KCNN4: variants seen among roughly 807,000 people sequenced by gnomAD.
KCNN4 encodes the protein potassium calcium-activated channel subfamily N member 4, also known as intermediate conductance calcium-activated potassium channel protein 4.
KCNN4 carries 31 observed loss-of-function variants against 45.2 expected under a neutral mutation model. That is an observed-to-expected ratio of 0.69 (90% CI 0.52 to 0.92). The LOEUF (loss-of-function observed/expected upper bound fraction) is 0.92, where lower values mean the gene tolerates loss of function less well. KCNN4 is among the 40% of genes least tolerant of loss of function. The pLI, the probability that KCNN4 is intolerant of heterozygous loss-of-function variation, is 0.00. For missense variants in KCNN4, 463 were observed against 574.0 expected (o/e 0.81, Z 1.98); for synonymous variants, 231 against 254.6 (o/e 0.91, Z 0.88).
chr19:43,774,100 C>G lies in KCNN4; in HGVS notation c.683+92G>C, dbSNP rs1036456176. ...GTGTGAACTTTCTCCACTGCTTGGT[C>G]CTAGGGGGCCTCAACCTGCACCGCG... On this transcript the variant is annotated intron_variant, in intron 3 of 8. Coordinates refer to ENST00000648319, the MANE Select transcript of KCNN4 (RefSeq NM_002250.3). The surrounding 1 kb of genome is among the most constrained non-coding windows in gnomAD (Gnocchi z 5.6). 8 of 1,334,264 alleles carry G rather than the reference C, an allele frequency of 6.0e-6. No individual in the cohort carries two copies. The highest frequency in any genetic ancestry group is 2.3e-5 in the Admixed American group (1 of 43,546). 82.7% of individuals were successfully genotyped at this position (1,334,264 alleles called of 1,614,324 possible).
Position 43,769,451 on chromosome 19 carries a change from G to A in KCNN4, c.1040C>T (p.Ala347Val). ...ACAAAGCGGCCCTCACGCGTTGATG[G>A]CGGCCAGCAGCTTGCGCTGATGCCT... ...ARRHQRKLLA[A>V]INAFRQVRLK... The change falls in exon 6 of 9, where the codon GCC becomes GTC. Residue 347 changes from alanine (A) to valine (V), a missense_variant. Transcript: ENST00000648319. This position sits in a 1 kb window ranked among gnomAD's most constrained non-coding sequence, Gnocchi z 4.4. The A allele has an allele frequency of 6.2e-7, 1 of 1,613,920 alleles. No homozygotes were observed. Among genetic ancestry groups the A allele is most frequent in the Non-Finnish European group, 8.5e-7 (1 of 1,179,800 alleles).
rs186813155 is a variant in KCNN4 at position 43,780,194 on chromosome 19, C to T, written c.159+509G>A. ...CCCTCTGGCCTCCAGGGGTCCTGGA[C>T]CTCTGGCCGTCTAATGGCAACATCT... On this transcript the variant is annotated intron_variant, in intron 1 of 8. Coordinates refer to ENST00000648319, the MANE Select transcript of KCNN4 (RefSeq NM_002250.3). Among the ~76,000 whole-genome samples the T allele has an allele frequency of 5.3e-5, 8 of 152,152 alleles. No individual in the cohort carries two copies. The East Asian group carries it at 1.5e-3, about 29-fold the overall frequency.
Position 43,774,160 on chromosome 19 carries a change from C to T in KCNN4, c.683+32G>A, listed in dbSNP as rs750617291. On this transcript the variant is annotated intron_variant, in intron 3 of 8. Coordinates refer to ENST00000648319, the MANE Select transcript of KCNN4 (RefSeq NM_002250.3). This position sits in a 1 kb window ranked among gnomAD's most constrained non-coding sequence, Gnocchi z 5.6. Reference sequence around the variant, plus strand: ...GGCCGCCGTGGCTGTCCGGGGTTCCCCCCTGCGCATTTATGCCTCCATCAC... The same window carrying T: ...GGCCGCCGTGGCTGTCCGGGGTTCCTCCCTGCGCATTTATGCCTCCATCAC... 3.4e-5 allele frequency: 54 copies of T among 1,582,674 alleles called. No individual in the cohort carries two copies. Among genetic ancestry groups the T allele is most frequent in the Non-Finnish European group, 4.2e-5 (49 of 1,161,800 alleles).
At position 43,780,949 on chromosome 19, in the gene KCNN4, G is replaced by GC; in HGVS notation, c.-89_-88insG. 7.4e-7 allele frequency: 1 copy of GC among 1,351,272 alleles called. No homozygotes were observed. The highest frequency in any genetic ancestry group is 1.0e-6 in the Non-Finnish European group (1 of 962,816). The allele number at this position is 1,351,272 out of a possible 1,614,324, so 83.7% of individuals were successfully genotyped here. A position where few individuals can be genotyped will look rare whatever the true frequency, so the allele number is the denominator to read the frequency against. ...ACAGGGCAGCCACTGTGGCTTGCAG[G>GC]TCGTCAGCCTGCTCTGCTGGCTCTG... is the stretch of plus-strand genomic sequence containing the variant. On this transcript the variant is annotated 5_prime_UTR_variant, in exon 1 of 9. Transcript: ENST00000648319.
At position 43,780,918 on chromosome 19, in the gene KCNN4, G is replaced by A; in HGVS notation, c.-57C>T. The stretch of plus-strand genomic sequence containing the variant: ...CCTGCCCAGGGTCCCCCACCTCGCA[G>A]CACGCACAGGGCAGCCACTGTGGCT... On this transcript the variant is annotated 5_prime_UTR_variant, in exon 1 of 9. Coordinates refer to ENST00000648319, the MANE Select transcript of KCNN4 (RefSeq NM_002250.3). 6.4e-7 allele frequency: 1 copy of A among 1,570,164 alleles called. No individual in the cohort carries two copies. The highest frequency in any genetic ancestry group is 1.7e-5 in the Admixed American group (1 of 59,358).
intron 1 of KCNN4, among the ~76,000 whole-genome samples, chr19:43,777,849 T>C (rs1206727126): frequency 6.6e-6 from 1 of 152,092 alleles, no homozygotes; most frequent in East Asian, 1.9e-4. Flanking sequence ...ATTGCACCTG[T>C]TTCTCCTAAG....
intron 1 of KCNN4, chr19:43,776,953 C>T (rs1176334916): frequency 1.2e-5 from 3 of 244,678 alleles, no homozygotes; most frequent in Non-Finnish European, 2.5e-5. Context: ...AAAAAATTAG[C>T]TGGGTGTGTA....
chr19:43,768,114 T>C (rs1969533182), intron 7 of KCNN4, among the ~76,000 whole-genome samples: 3 of 152,230 alleles, frequency 2.0e-5, no homozygotes, highest in Non-Finnish European at 4.4e-5. Flanking sequence ...GATTCACTAG[T>C]TGATCCCTGA....
At chr19:43,779,298 C>T (rs1040508224) in intron 1 of KCNN4, among the ~76,000 whole-genome samples, 3 of 152,146 alleles carry the variant, frequency 2.0e-5, no homozygotes, top group African/African-American at 4.8e-5. Context: ...GGTGCTTCGG[C>T]GTGGGAGCGG....
rs142435653 is a variant in KCNN4, at chr19:43,771,544, T to C, written c.819+456A>G. On this transcript the variant is annotated intron_variant, in intron 4 of 8. Transcript: ENST00000648319. The stretch of plus-strand genomic sequence containing the variant: ...TGATAACTGGACTCTACACCCTTGA[T>C]GGAGGCTGGGAGACGATTTCCCAGT... Among the ~76,000 whole-genome samples, 33 of 152,178 alleles carry C rather than the reference T, an allele frequency of 2.2e-4. No individual in the cohort carries two copies. The East Asian group carries it at 5.6e-3, about 26-fold the overall frequency.
intron 7 of KCNN4, among the ~76,000 whole-genome samples, chr19:43,768,735 G>A (rs1969550760): frequency 6.6e-6 from 1 of 151,588 alleles, no homozygotes; most frequent in Admixed American, 6.6e-5. Context: ...GGGGTTCTTT[G>A]TGCAATTTTT....
At chr19:43,779,420 G>C (rs80331465) in intron 1 of KCNN4, among the ~76,000 whole-genome samples, 1,899 of 151,724 alleles carry the variant, frequency 0.013, 37 homozygotes, top group African/African-American at 0.044. Context: ...TGTGGCTCCT[G>C]GTCACTTCAG....
rs1231198818 is a variant in KCNN4 at position 43,780,794 on chromosome 19, T to C, written c.68A>G (p.Lys23Arg). 1 of 1,613,900 alleles carries C rather than the reference T, an allele frequency of 6.2e-7. No individual in the cohort carries two copies. The highest frequency in any genetic ancestry group is 1.1e-5 in the South Asian group (1 of 91,066). ...RRRKRLLEQE[K>R]SLAGWALVLA... Reference sequence around the variant, plus strand: ...CACCAGTGCCCAGCCGGCCAGAGACTTCTCCTGCTCCAGCAAGCGCTTTCG... The same window carrying C: ...CACCAGTGCCCAGCCGGCCAGAGACCTCTCCTGCTCCAGCAAGCGCTTTCG... Residue 23 changes from lysine (K) to arginine (R), a missense_variant, in exon 1 of 9, where the codon AAG becomes AGG. By Grantham distance (26) the Lys-to-Arg change is conservative. Around this residue, in one of 3 missense-constraint regions of KCNN4, gnomAD observed 225 missense variants for 240.9 expected, o/e 0.93. Coordinates refer to ENST00000648319, the MANE Select transcript of KCNN4 (RefSeq NM_002250.3).
At chr19:43,776,750 T>G in intron 1 of KCNN4, 114 bp from the exon 2 acceptor site, 1 of 692,026 alleles carries the variant, frequency 1.4e-6, no homozygotes, top group East Asian at 2.7e-5. Context: ...TTTCCTAGCC[T>G]CCTTCCCCTG....
rs1599674943 is a variant in KCNN4, at chr19:43,771,930, C to T, written c.819+70G>A. 2.0e-6 allele frequency: 3 copies of T among 1,506,600 alleles called. No homozygotes were observed. The East Asian group carries it at 7.2e-5, about 36-fold the overall frequency. 93.3% of individuals were successfully genotyped at this position (1,506,600 alleles called of 1,614,324 possible). A position where few individuals can be genotyped will look rare whatever the true frequency, so the allele number is the denominator to read the frequency against. The stretch of plus-strand genomic sequence containing the variant: ...AGAGCCTGTGTTGAACCCATTTAAT[C>T]ATGGCTTCCTGGGGCCAGAGGATGA... On this transcript the variant is annotated intron_variant, in intron 4 of 8. Coordinates refer to ENST00000648319, the MANE Select transcript of KCNN4 (RefSeq NM_002250.3).
chr19:43,777,112 C>CA (rs1370734463), intron 1 of KCNN4, among the ~76,000 whole-genome samples: 2 of 151,774 alleles, frequency 1.3e-5, no homozygotes, highest in African/African-American at 2.4e-5. Flanking sequence ...AACAAACAAA[C>CA]AAAAAAACAC....
intron 1 of KCNN4, among the ~76,000 whole-genome samples, chr19:43,780,265 GA>G (rs2146473090): frequency 6.6e-6 from 1 of 152,036 alleles, no homozygotes; most frequent in South Asian, 2.1e-4. Flanking sequence ...CTTTTGCAGA[GA>G]AGGACCCCAG....
In KCNN4 at chr19:43,768,999, G is replaced by A. The variant is rs779759249; in HGVS notation, c.1083C>T (p.Leu361=). 6.2e-7 allele frequency: 1 copy of A among 1,614,050 alleles called. No homozygotes were observed. Among genetic ancestry groups the A allele is most frequent in the Non-Finnish European group, 8.5e-7 (1 of 1,179,948 alleles). The part of the protein sequence containing the change: ...FRQVRLKHRK[L]REQVNSMVDI... The stretch of plus-strand genomic sequence containing the variant: ...CCACCATGGAGTTCACTTGTTCCCG[G>A]AGCTTCCGGTGTTTCAGCCGCACCT... Residue 361 remains leucine (L), a synonymous_variant, in exon 7 of 9, where the codon CTC becomes CTT. Transcript: ENST00000648319.
At chr19:43,768,077 T>C (rs927795671) in intron 7 of KCNN4, among the ~76,000 whole-genome samples, 3 of 152,212 alleles carry the variant, frequency 2.0e-5, no homozygotes, top group African/African-American at 7.2e-5. Flanking sequence ...CAAATCCACA[T>C]AGTCTTTTAC....
Sources: allele counts gnomAD v4.1 joint callset (sites outside exome capture counted in the v4.1 genomes callset), GRCh38; gene constraint gnomAD v4.1.1; regional missense constraint gnomAD v4.1.1; non-coding constraint Gnocchi (gnomAD v3.1); transcripts MANE v1.5; gene names NCBI Gene and HGNC (gene_info 2026-07-23, HGNC 2026-07-21).